LRGUK: variants seen among roughly 807,000 people sequenced by gnomAD.
The protein encoded by LRGUK is leucine-rich repeat and guanylate kinase domain-containing protein.
A neutral mutation model predicts 76.0 loss-of-function variants in LRGUK; 65 were observed. That is an observed-to-expected ratio of 0.85 (90% CI 0.70 to 1.05). The LOEUF (loss-of-function observed/expected upper bound fraction) is 1.05. Ranked by LOEUF, LRGUK falls within the 50% of genes least tolerant of loss-of-function variation. The pLI, the probability that LRGUK is intolerant of heterozygous loss-of-function variation, is 0.00. For synonymous variants in LRGUK, 268 were observed against 265.6 expected (o/e 1.01, Z -0.09); for missense variants, 758 against 732.8 (o/e 1.03, Z -0.40).
intron 11 of LRGUK, among the ~76,000 whole-genome samples, chr7:134,186,610 T>C (rs1799990602): frequency 6.6e-6 from 1 of 152,236 alleles, no homozygotes; most frequent in African/African-American, 2.4e-5. Flanking sequence ...CAACCTCCAC[T>C]GATGGAGCTA....
chr7:134,257,748 G>A lies in LRGUK; in HGVS notation c.2199-509G>A, dbSNP rs540902164. Among the ~76,000 whole-genome samples, 23 of 152,088 alleles carry A rather than the reference G, an allele frequency of 1.5e-4. 2 individuals carry two copies. In the South Asian group the frequency reaches 4.8e-3, roughly 32 times the overall value. ...GAACCCAGGAGGTGGAGGTTGCAGT[G>A]AGCCCAGATCGTGTCACTGCCCTCC... On this transcript the variant is annotated intron_variant, in intron 18 of 19. Transcript: ENST00000285928.
chr7:134,241,168 C>CA (rs1802139865), intron 16 of LRGUK, among the ~76,000 whole-genome samples: 1 of 152,196 alleles, frequency 6.6e-6, no homozygotes, highest in Non-Finnish European at 1.5e-5. Flanking sequence ...AACCAGTTAA[C>CA]ATCATAATTA....
chr7:134,238,435 CTTTT>C (rs1451164194), intron 16 of LRGUK, among the ~76,000 whole-genome samples: 1 of 151,912 alleles, frequency 6.6e-6, no homozygotes, highest in Non-Finnish European at 1.5e-5. Context: ...GTATTCATTT[CTTTT>C]TTATTTAAAA....
In LRGUK at chr7:134,184,872, G is replaced by C. The variant is rs183128570; in HGVS notation, c.1334+1019G>C. ...CATTAAGCATAAATGGCATGTGAAG[G>C]CAGGCTTCTCCTGTTGCCTTGCAGT... On this transcript the variant is annotated intron_variant, in intron 11 of 15. Transcript: ENST00000645682. 2.0e-5 allele frequency among the ~76,000 whole-genome samples: 3 copies of C among 152,332 alleles called. No individual in the cohort carries two copies. In the East Asian group the frequency reaches 5.8e-4, roughly 29 times the overall value.
chr7:134,268,794 A>ATCTCCAAT (rs532039788), downstream of LRGUK, among the ~76,000 whole-genome samples: 1,404 of 121,458 alleles, frequency 0.012, 71 homozygotes, highest in East Asian at 0.16. Context: ...CAGTAGTGCC[A>ATCTCCAAT]TCTCCAATCA....
At position 134,129,192 on chromosome 7, in the gene LRGUK, TCCTC is replaced by T. The variant is rs1319521385; in HGVS notation, c.297+1536_297+1539del. ...TTTCGTTTTTTCTTCCTTCCTTCCT[TCCTC>T]CCTCCCTTCCTTCCTGCCTCCCCCT... On this transcript the variant is annotated intron_variant, in intron 1 of 15. Transcript: ENST00000645682. Among the ~76,000 whole-genome samples, 7 of 126,690 alleles carry T rather than the reference TCCTC, an allele frequency of 5.5e-5. 1 individual carries two copies. Among genetic ancestry groups the T allele is most frequent in the South Asian group, 6.5e-4 (2 of 3,056 alleles). The allele number at this position is 126,690 out of a possible 152,430, so 83.1% of individuals were successfully genotyped here.
At position 134,248,864 on chromosome 7, in the gene LRGUK, C is replaced by T; in HGVS notation, c.2073-87C>T. On this transcript the variant is annotated intron_variant, in intron 17 of 19. Transcript: ENST00000285928. Reference sequence around the variant, plus strand: ...AGATCTCATTGGCATTTGCGTTTATCTGGGATATTTAGGTATACATGTGTG... The same window carrying T: ...AGATCTCATTGGCATTTGCGTTTATTTGGGATATTTAGGTATACATGTGTG... 3.7e-6 allele frequency: 4 copies of T among 1,093,076 alleles called. No individual in the cohort carries two copies. The African/African-American group carries it at 6.6e-5, about 18-fold the overall frequency. 67.7% of individuals were successfully genotyped at this position (1,093,076 alleles called of 1,614,324 possible).
intron 4 of LRGUK, among the ~76,000 whole-genome samples, chr7:134,144,862 C>T (rs1797906204): frequency 6.6e-6 from 1 of 152,042 alleles, no homozygotes; most frequent in Non-Finnish European, 1.5e-5. Flanking sequence ...AGTGTGGGGC[C>T]GCATCGTCTT....
At chr7:134,221,840 G>C (rs75692051) in exon 16 of LRGUK, 1 of 1,603,112 alleles carries the variant, frequency 6.2e-7, no homozygotes, top group East Asian at 2.3e-5. Context: ...CTTCGAATAT[G>C]GGTGATTTCC....
At chr7:134,259,371 G>A (rs1298031054) in intron 19 of LRGUK, among the ~76,000 whole-genome samples, 2 of 152,166 alleles carry the variant, frequency 1.3e-5, no homozygotes, top group Non-Finnish European at 2.9e-5. Flanking sequence ...GGGGCGCTGT[G>A]AGTAGCTGAT....
At chr7:134,146,708 A>C (rs1797984471) in intron 4 of LRGUK, among the ~76,000 whole-genome samples, 1 of 152,136 alleles carries the variant, frequency 6.6e-6, no homozygotes, top group African/African-American at 2.4e-5. Flanking sequence ...AGTTGTTTCT[A>C]AATTAGTTTT....
chr7:134,186,233 T>C (rs1799975121), intron 11 of LRGUK, among the ~76,000 whole-genome samples: 1 of 152,254 alleles, frequency 6.6e-6, no homozygotes, highest in South Asian at 2.1e-4. Flanking sequence ...GAGATGTTTA[T>C]TGACTCATCG....
chr7:134,260,706 A>G (rs966939268), intron 19 of LRGUK, among the ~76,000 whole-genome samples: 1 of 152,044 alleles, frequency 6.6e-6, no homozygotes, highest in African/African-American at 2.4e-5. Context: ...TAGCTGTTCT[A>G]TCGTATCCCT....
exon 2 of LRGUK, chr7:134,137,037 G>T (rs757892283): frequency 1.9e-6 from 3 of 1,612,906 alleles, no homozygotes; most frequent in African/African-American, 1.3e-5. Flanking sequence ...AATTTGATGG[G>T]GTCCTGAGAG....
intron 6 of LRGUK, among the ~76,000 whole-genome samples, chr7:134,162,347 T>C (rs551143670): frequency 6.6e-6 from 1 of 152,290 alleles, no homozygotes; most frequent in Admixed American, 6.5e-5. Context: ...TGACATTTCC[T>C]TTTCCATATA....
chr7:134,136,949 T>C, intron 1 of LRGUK, 74 bp from the exon 2 acceptor site: 47 of 1,232,270 alleles, frequency 3.8e-5, no homozygotes, highest in Non-Finnish European at 5.4e-5. Flanking sequence ...AAATAAGTGC[T>C]GGATATGACA....
intron 6 of LRGUK, among the ~76,000 whole-genome samples, chr7:134,161,008 C>T (rs865999598): frequency 6.6e-6 from 1 of 152,108 alleles, no homozygotes; most frequent in Non-Finnish European, 1.5e-5. Context: ...TATGACATGA[C>T]AGTAGGCTAT....
chr7:134,199,295 G>A, exon 14 of LRGUK: 1 of 1,613,818 alleles, frequency 6.2e-7, no homozygotes, highest in Non-Finnish European at 8.5e-7. Flanking sequence ...GGAAAAATAT[G>A]AGGGATATTT....
At position 134,189,454 on chromosome 7, in the gene LRGUK, AAC is replaced by A. The variant is rs970269313; in HGVS notation, c.1335-2197_1335-2196del. 6.6e-5 allele frequency among the ~76,000 whole-genome samples: 10 copies of A among 152,214 alleles called. 1 individual carries two copies. Among genetic ancestry groups the A allele is most frequent in the African/African-American group, 2.4e-4 (10 of 41,448 alleles). On this transcript the variant is annotated intron_variant, in intron 11 of 15. Transcript: ENST00000645682. ...TGAAAATTGGATGATGAATTAAAAA[AAC>A]ACAGATCATCTTAGGTTCTTCTTAA... is the stretch of plus-strand genomic sequence containing the variant.
Sources: allele counts gnomAD v4.1 joint callset (sites outside exome capture counted in the v4.1 genomes callset), GRCh38; gene constraint gnomAD v4.1.1; transcripts MANE v1.5; gene names NCBI Gene and HGNC (gene_info 2026-07-23, HGNC 2026-07-21).